Variants in SIMC1 observed in about 807,000 individuals in gnomAD.
SIMC1 encodes SUMO interacting motifs containing 1, also known as SUMO-interacting motif-containing protein 1.
A neutral mutation model predicts 82.3 loss-of-function variants in SIMC1; 55 were observed. The observed-to-expected ratio is 0.67, with a 90% confidence interval of 0.54 to 0.84. The LOEUF is 0.84. Among genes scored for constraint, SIMC1 ranks in the 40% least tolerant of loss-of-function variants. The pLI is 0.00. For synonymous variants in SIMC1, 353 were observed against 426.3 expected (o/e 0.83, Z 2.12); for missense variants, 915 against 1,107.2 (o/e 0.83, Z 2.46).
At chr5:176,280,944 G>A (rs533536669) in intron 1 of SIMC1, among the ~76,000 whole-genome samples, 42 of 152,144 alleles carry the variant, frequency 2.8e-4, no homozygotes, top group South Asian at 6.2e-4. Flanking sequence ...TCTTTGTGGC[G>A]TTCTCTGTAT....
chr5:176,290,201 T>C lies in SIMC1; in HGVS notation c.677T>C (p.Leu226Ser). 1.2e-6 allele frequency: 2 copies of C among 1,611,442 alleles called. No homozygotes were observed. Among genetic ancestry groups the C allele is most frequent in the Non-Finnish European group, 1.7e-6 (2 of 1,178,980 alleles). ...PQALPCPLRP[L>S]PCPPRASPCP... ...GCCTTGCCGTGCCCCCTGCGACCTTTGCCATGCCCACCGAGAGCCTCACCA... is the reference window on the plus strand; with the variant it reads ...GCCTTGCCGTGCCCCCTGCGACCTTCGCCATGCCCACCGAGAGCCTCACCA... Residue 226 changes from leucine to serine, a missense_variant, in exon 2 of 10, where the codon TTG (leucine) becomes TCG (serine). Leu to Ser is a moderately radical substitution (Grantham distance 145). This residue lies in a region of SIMC1 where 902 missense variants were observed against 1,040.3 expected (regional missense o/e 0.87). Coordinates refer to ENST00000429602, the MANE Select transcript of SIMC1 (RefSeq NM_001308195.2).
In SIMC1 at chr5:176,295,097, A is replaced by C; in HGVS notation, c.1499A>C (p.Glu500Ala). 6.2e-7 allele frequency: 1 copy of C among 1,613,722 alleles called. No individual in the cohort carries two copies. Among genetic ancestry groups the C allele is most frequent in the Non-Finnish European group, 8.5e-7 (1 of 1,179,698 alleles). The change falls in exon 3 of 10, where the codon GAG (glutamate) becomes GCG (alanine). Residue 500 changes from glutamate (E) to alanine (A), a missense_variant. Around this residue, in one of 2 missense-constraint regions of SIMC1, gnomAD observed 902 missense variants for 1,040.3 expected, o/e 0.87. Coordinates refer to ENST00000429602, the MANE Select transcript of SIMC1 (RefSeq NM_001308195.2). ...RLRMVTNTIE[E>A]NFPLGTVQFL... Reference sequence around the variant, plus strand: ...AGAATGGTAACAAATACCATTGAAGAGAATTTTCCTCTGGGGACTGTGCAG... The same window carrying C: ...AGAATGGTAACAAATACCATTGAAGCGAATTTTCCTCTGGGGACTGTGCAG...
Position 176,345,260 on chromosome 5 carries a change from G to A in SIMC1, c.2491G>A (p.Asp831Asn). 1 of 1,614,032 alleles carries A rather than the reference G, an allele frequency of 6.2e-7. No individual in the cohort carries two copies. The highest frequency in any genetic ancestry group is 2.2e-5 in the East Asian group (1 of 44,888). Residue 831 changes from aspartate (D) to asparagine (N), a missense_variant, in exon 10 of 10, where the codon GAC becomes AAC. Asp to Asn is a conservative substitution (Grantham distance 23). Coordinates refer to ENST00000429602, the MANE Select transcript of SIMC1 (RefSeq NM_001308195.2). Reference sequence around the variant, plus strand: ...TAAGCCCAAACCCCAGCAAGGAGATGACATCACAGTGGTAGACGTAGAGAA... The same window carrying A: ...TAAGCCCAAACCCCAGCAAGGAGATAACATCACAGTGGTAGACGTAGAGAA... ...RIKPKPQQGDDITVVDVEKQI... is the reference protein window; with the variant it reads ...RIKPKPQQGDNITVVDVEKQI...
intron 4 of SIMC1, among the ~76,000 whole-genome samples, chr5:176,305,678 C>G (rs866429346): frequency 9.1e-6 from 1 of 109,798 alleles, no homozygotes; most frequent in Non-Finnish European, 1.9e-5. Flanking sequence ...CCCCTCTGCC[C>G]GGCCAGCCGC....
chr5:176,282,867 C>A (rs1221669306), intron 1 of SIMC1, among the ~76,000 whole-genome samples: 2 of 152,180 alleles, frequency 1.3e-5, no homozygotes, highest in African/African-American at 2.4e-5. Flanking sequence ...ACGAGAACTA[C>A]GTGATGCATG....
At chr5:176,261,643 G>A (rs1762019480) in intron 1 of SIMC1, among the ~76,000 whole-genome samples, 1 of 151,854 alleles carries the variant, frequency 6.6e-6, no homozygotes, top group Non-Finnish European at 1.5e-5. Context: ...AGCTACTCTG[G>A]AGGCTGAGGC....
intron 1 of SIMC1, among the ~76,000 whole-genome samples, chr5:176,254,077 A>G (rs1400653754): frequency 2.6e-5 from 4 of 152,192 alleles, no homozygotes; most frequent in African/African-American, 9.7e-5. Context: ...TAACTAATAG[A>G]TAATATAGAC....
intron 1 of SIMC1, among the ~76,000 whole-genome samples, chr5:176,286,070 T>G (rs1383979023): frequency 4.6e-5 from 7 of 152,238 alleles, no homozygotes; most frequent in Non-Finnish European, 8.8e-5. Flanking sequence ...CCAAGGTAAT[T>G]TATAGATTCA....
chr5:176,285,902 A>C lies in SIMC1; in HGVS notation c.130-3752A>C, dbSNP rs558092042. On this transcript the variant is annotated intron_variant, in intron 1 of 9. Transcript: ENST00000429602. ...CATTCACAATTGCTTCAAAGAGAATAAAATACCTAGGAATCCAACTTACAA... is the reference window on the plus strand; with the variant it reads ...CATTCACAATTGCTTCAAAGAGAATCAAATACCTAGGAATCCAACTTACAA... Among the ~76,000 whole-genome samples, 554 of 152,344 alleles carry C rather than the reference A, an allele frequency of 3.6e-3. 1 individual carries two copies. The highest frequency in any genetic ancestry group is 0.013 in the African/African-American group (526 of 41,564).
At chr5:176,264,907 A>G (rs1222894580) in intron 1 of SIMC1, among the ~76,000 whole-genome samples, 3 of 152,094 alleles carry the variant, frequency 2.0e-5, no homozygotes, top group Admixed American at 2.0e-4. Context: ...GGTGGCTCAT[A>G]CCTATAATCC....
intron 4 of SIMC1, among the ~76,000 whole-genome samples, chr5:176,304,611 C>G (rs866961384): frequency 1.4e-5 from 2 of 147,376 alleles, no homozygotes; most frequent in East Asian, 2.1e-4. Context: ...GCCGCCACCC[C>G]GTCTGGGAAG....
At chr5:176,323,206 A>T (rs1765237481) in intron 6 of SIMC1, among the ~76,000 whole-genome samples, 1 of 152,182 alleles carries the variant, frequency 6.6e-6, no homozygotes, top group Non-Finnish European at 1.5e-5. Context: ...TTTTATATCT[A>T]AAGGGGAATG....
chr5:176,286,451 T>A (rs1763288174), intron 1 of SIMC1, among the ~76,000 whole-genome samples: 1 of 152,250 alleles, frequency 6.6e-6, no homozygotes, highest in South Asian at 2.1e-4. Flanking sequence ...AAGCTGAAAC[T>A]GGATCCCTTC....
chr5:176,280,244 C>A (rs1199428436), intron 1 of SIMC1, among the ~76,000 whole-genome samples: 2 of 152,096 alleles, frequency 1.3e-5, no homozygotes, highest in African/African-American at 4.8e-5. Flanking sequence ...TTCTTTGTCT[C>A]TTTTGATCTT....
Position 176,246,865 on chromosome 5 carries a change from T to G in SIMC1, c.129+8228T>G, listed in dbSNP as rs549032959. On this transcript the variant is annotated intron_variant, in intron 1 of 9. Transcript: ENST00000429602. ...ATAAGTGAGAACATGCAGTGTTTGG[T>G]TTTCTGTTCCTGTGTTAGTTTGCTG... 5.3e-5 allele frequency among the ~76,000 whole-genome samples: 8 copies of G among 151,978 alleles called. No individual in the cohort carries two copies. The South Asian group carries it at 1.5e-3, about 28-fold the overall frequency.
chr5:176,301,147 G>A (rs1764023122), intron 4 of SIMC1, among the ~76,000 whole-genome samples: 1 of 152,116 alleles, frequency 6.6e-6, no homozygotes, highest in South Asian at 2.1e-4. Flanking sequence ...ATCTCATCTT[G>A]AATTGTAGCT....
chr5:176,295,188 G>T lies in SIMC1; in HGVS notation c.1590G>T (p.Gln530His), dbSNP rs1400568904. 1.2e-6 allele frequency: 2 copies of T among 1,613,370 alleles called. No individual in the cohort carries two copies. Among genetic ancestry groups the T allele is most frequent in the Non-Finnish European group, 1.7e-6 (2 of 1,179,678 alleles). ...PPREIVAHIIQKILLSGSETV... is the reference protein window; with the variant it reads ...PPREIVAHIIHKILLSGSETV... The stretch of plus-strand genomic sequence containing the variant: ...GAGAAATCGTGGCTCACATCATCCA[G>T]AAAATCTTGCTCAGTGGCTCTGAGA... The change falls in exon 3 of 10, where the codon CAG (glutamine) becomes CAT (histidine). Residue 530 changes from glutamine to histidine, a missense_variant. Physicochemically the swap from Gln to His is conservative, Grantham distance 24 (BLOSUM62 0). Around this residue, in one of 2 missense-constraint regions of SIMC1, gnomAD observed 902 missense variants for 1,040.3 expected, o/e 0.87. Coordinates refer to ENST00000429602, the MANE Select transcript of SIMC1 (RefSeq NM_001308195.2).
chr5:176,264,365 T>C (rs1317953735), intron 1 of SIMC1, among the ~76,000 whole-genome samples: 5 of 152,282 alleles, frequency 3.3e-5, no homozygotes, highest in Non-Finnish European at 4.4e-5. Flanking sequence ...GGCTTCTGCC[T>C]GGGCATGCAG....
At chr5:176,329,199 CG>C (rs1765521559) in intron 7 of SIMC1, among the ~76,000 whole-genome samples, 2 of 152,126 alleles carry the variant, frequency 1.3e-5, no homozygotes, top group African/African-American at 4.8e-5. Flanking sequence ...TGGCCGGGCG[CG>C]GGGGCTCACG....
Sources: gnomAD v4.1 joint callset for allele counts (sites outside exome capture counted in the v4.1 genomes callset) on GRCh38, gnomAD v4.1.1 for gene constraint, gnomAD v4.1.1 regional missense constraint, MANE v1.5 for transcripts, NCBI Gene and HGNC (gene_info 2026-07-23, HGNC 2026-07-21) for gene names.